CAND2: variants seen among roughly 807,000 people sequenced by gnomAD.
CAND2 encodes cullin associated and neddylation dissociated 2 (putative), also known as cullin-associated NEDD8-dissociated protein 2.
CAND2 carries 62 observed loss-of-function variants against 98.9 expected under a neutral mutation model. That is an observed-to-expected ratio of 0.63 (90% CI 0.51 to 0.77). The LOEUF is 0.77. Ranked by LOEUF, CAND2 falls within the 30% of genes least tolerant of loss-of-function variation. The pLI is 0.00. For missense variants in CAND2, 1,501 were observed against 1,655.2 expected (o/e 0.91, Z 1.62); for synonymous variants, 770 against 731.9 (o/e 1.05, Z -0.84).
intron 12 of CAND2, among the ~76,000 whole-genome samples, chr3:12,826,939 T>C (rs2062007242): frequency 7.0e-6 from 1 of 142,676 alleles, no homozygotes; most frequent in Non-Finnish European, 1.5e-5. Context: ...CAAGCAATTC[T>C]CCTGCCTCAG....
At position 12,796,727 on chromosome 3, in the gene CAND2, A is replaced by G; in HGVS notation, c.7A>G (p.Thr3Ala). Residue 3 changes from threonine to alanine, a missense_variant, in exon 1 of 15, where the codon ACC becomes GCC. Coordinates refer to ENST00000456430, the MANE Select transcript of CAND2 (RefSeq NM_001162499.2). ...TCCGCGGCGCGCAGCCACCATGAGCACCGCCGCCTTCCACATCTCCAGCCT... is the reference window on the plus strand; with the variant it reads ...TCCGCGGCGCGCAGCCACCATGAGCGCCGCCGCCTTCCACATCTCCAGCCT... The part of the protein sequence containing the change: MS[T>A]AAFHISSLLE... 3.8e-6 allele frequency: 6 copies of G among 1,583,552 alleles called. No homozygotes were observed. The highest frequency in any genetic ancestry group is 5.1e-6 in the Non-Finnish European group (6 of 1,165,598).
intron 2 of CAND2, 116 bp downstream of exon 2, chr3:12,803,747 C>T (rs555242543): frequency 1.9e-5 from 16 of 848,942 alleles, no homozygotes; most frequent in East Asian, 5.8e-5. Context: ...GAGCAGCTCT[C>T]GTTGAATGGT....
intron 5 of CAND2, among the ~76,000 whole-genome samples, chr3:12,811,249 T>A (rs1575768269): frequency 6.6e-6 from 1 of 151,966 alleles, no homozygotes; most frequent in Middle Eastern, 3.4e-3. Flanking sequence ...GGACAAGGGG[T>A]CAGGATCCAT....
chr3:12,817,712 C>T lies in CAND2; in HGVS notation c.2780C>T (p.Pro927Leu). 6 of 1,595,248 alleles carry T rather than the reference C, an allele frequency of 3.8e-6. No individual in the cohort carries two copies. The highest frequency in any genetic ancestry group is 4.3e-6 in the Non-Finnish European group (5 of 1,170,412). Residue 927 changes from proline to leucine, a missense_variant, in exon 10 of 15, where the codon CCT becomes CTT. Around this residue, in one of 3 missense-constraint regions of CAND2, gnomAD observed 1,427 missense variants for 1,545.3 expected, o/e 0.92. Coordinates refer to ENST00000456430, the MANE Select transcript of CAND2 (RefSeq NM_001162499.2). ...SLREALGAAQ[P>L]DSLKPYAEDI... ...AGGGAGGCCCTGGGGGCCGCCCAGC[C>T]TGACAGCCTGAAGCCCTACGCCGAG...
intron 11 of CAND2, among the ~76,000 whole-genome samples, chr3:12,820,566 G>C (rs773586579): frequency 1.7e-4 from 26 of 152,246 alleles, no homozygotes; most frequent in Non-Finnish European, 3.4e-4. Flanking sequence ...ACATGCCTTA[G>C]CTTTTGCGGG....
intron 12 of CAND2, among the ~76,000 whole-genome samples, chr3:12,827,022 GAA>G (rs2062008129): frequency 6.6e-6 from 1 of 151,912 alleles, no homozygotes; most frequent in African/African-American, 2.4e-5. Flanking sequence ...TAGTAGAGGT[GAA>G]GTTTCGCCAT....
intron 2 of CAND2, 104 bp from the exon 3 acceptor site, chr3:12,807,202 T>C (rs2061813081): frequency 9.2e-7 from 1 of 1,089,358 alleles, no homozygotes; most frequent in African/African-American, 1.6e-5. Flanking sequence ...CTGAGGCCTT[T>C]TCCTCAGCAC....
intron 1 of CAND2, among the ~76,000 whole-genome samples, chr3:12,801,034 ATTTT>A (rs372893921): frequency 2.0e-5 from 2 of 100,748 alleles, no homozygotes; most frequent in African/African-American, 6.9e-5. Flanking sequence ...GGAAATCAGT[ATTTT>A]TTTTTTTTTT....
chr3:12,817,958 T>C, intron 10 of CAND2, 82 bp downstream of exon 10: 1 of 1,310,636 alleles, frequency 7.6e-7, no homozygotes, highest in Middle Eastern at 2.0e-4. Context: ...TGGGGCAGAG[T>C]GAGCTATTTC....
chr3:12,810,233 G>T lies in CAND2; in HGVS notation c.666G>T (p.Leu222=). The T allele has an allele frequency of 6.5e-7, 1 of 1,532,570 alleles. No homozygotes were observed. Among genetic ancestry groups the T allele is most frequent in the Non-Finnish European group, 8.8e-7 (1 of 1,142,310 alleles). The allele number at this position is 1,532,570 out of a possible 1,614,324, so 94.9% of individuals were successfully genotyped here. A position where few individuals can be genotyped will look rare whatever the true frequency, so the allele number is the denominator to read the frequency against. ...TCGCTGACCACCTACTGGACCGGCT[G>T]CCCGGCCCGCGGGTGCCCACCAGCC... ...VELADHLLDR[L]PGPRVPTSPT... Residue 222 remains leucine, a synonymous_variant, in exon 5 of 15, where the codon CTG becomes CTT. Transcript: ENST00000456430.
chr3:12,819,426 T>C (rs1056891450), intron 10 of CAND2, among the ~76,000 whole-genome samples: 6 of 152,208 alleles, frequency 3.9e-5, no homozygotes, highest in East Asian at 1.9e-4. Context: ...AGGTGGAGCG[T>C]CCACCCATTC....
Position 12,810,285 on chromosome 3 carries a change from T to C in CAND2, c.718T>C (p.Cys240Arg). ...GACTGCCATCCGCACCCTGATCCAATGTTTGGGCAGCGTCGGCCGCCAGGC... is the reference window on the plus strand; with the variant it reads ...GACTGCCATCCGCACCCTGATCCAACGTTTGGGCAGCGTCGGCCGCCAGGC... ...SPTAIRTLIQ[C>R]LGSVGRQAGH... is the part of the protein sequence containing the mutation. Residue 240 changes from cysteine (C) to arginine (R), a missense_variant, in exon 5 of 15, where the codon TGT becomes CGT. This residue lies in a region of CAND2 where 1,427 missense variants were observed against 1,545.3 expected (regional missense o/e 0.92). Coordinates refer to ENST00000456430, the MANE Select transcript of CAND2 (RefSeq NM_001162499.2). 2 of 1,483,112 alleles carry C rather than the reference T, an allele frequency of 1.3e-6. No homozygotes were observed. Among genetic ancestry groups the C allele is most frequent in the Admixed American group, 4.6e-5 (2 of 43,140 alleles). 91.9% of individuals were successfully genotyped at this position (1,483,112 alleles called of 1,614,324 possible).
chr3:12,828,175 T>C (rs2062019185), intron 13 of CAND2, among the ~76,000 whole-genome samples: 1 of 152,134 alleles, frequency 6.6e-6, no homozygotes, highest in African/African-American at 2.4e-5. Flanking sequence ...AGAGTGAGTC[T>C]GGGGCTGGTG....
chr3:12,812,572 T>G (rs2061862069), intron 5 of CAND2, among the ~76,000 whole-genome samples: 1 of 151,648 alleles, frequency 6.6e-6, no homozygotes, highest in Admixed American at 6.6e-5. Context: ...GCCCGGCTAA[T>G]TTTTTGTATT....
chr3:12,815,247 C>T lies in CAND2; in HGVS notation c.1113C>T (p.Pro371=), dbSNP rs752130757. The T allele has an allele frequency of 1.2e-5, 19 of 1,613,760 alleles. No individual in the cohort carries two copies. The highest frequency in any genetic ancestry group is 2.7e-5 in the African/African-American group (2 of 74,926). Reference sequence around the variant, plus strand: ...TCAGCTCGCGGCCTGACCTGCTGCCCGATTTCCACTGCACCCTGGCACCTG... The same window carrying T: ...TCAGCTCGCGGCCTGACCTGCTGCCTGATTTCCACTGCACCCTGGCACCTG... ...ALISSRPDLL[P]DFHCTLAPVL... is the part of the protein sequence containing the mutation. Residue 371 remains proline (P), a synonymous_variant, in exon 8 of 15, where the codon CCC becomes CCT. Coordinates refer to ENST00000456430, the MANE Select transcript of CAND2 (RefSeq NM_001162499.2). The surrounding 1 kb of genome is among the most constrained non-coding windows in gnomAD (Gnocchi z 5.7).
chr3:12,833,641 G>A, intron 14 of CAND2, 114 bp from the exon 15 acceptor site: 1 of 828,572 alleles, frequency 1.2e-6, no homozygotes, highest in Non-Finnish European at 2.0e-6. Context: ...CTCGCAGCAG[G>A]GATTTATGTT....
intron 13 of CAND2, among the ~76,000 whole-genome samples, chr3:12,828,698 G>A (rs1418935798): frequency 1.3e-5 from 2 of 152,070 alleles, no homozygotes; most frequent in East Asian, 3.9e-4. Context: ...TTCACATTGC[G>A]GTGCAGCCGT....
intron 11 of CAND2, among the ~76,000 whole-genome samples, chr3:12,822,023 CCA>C (rs1336554055): frequency 1.3e-5 from 2 of 152,132 alleles, no homozygotes; most frequent in Non-Finnish European, 2.9e-5. Flanking sequence ...GGTTTAGCAT[CCA>C]CGGTTGTTTC....
intron 13 of CAND2, among the ~76,000 whole-genome samples, chr3:12,828,270 T>G (rs1297377092): frequency 6.6e-6 from 1 of 152,080 alleles, no homozygotes; most frequent in African/African-American, 2.4e-5. Flanking sequence ...AGAAATCATT[T>G]AATTGTGGCG....
Sources: gnomAD v4.1 joint callset for allele counts (sites outside exome capture counted in the v4.1 genomes callset) on GRCh38, gnomAD v4.1.1 for gene constraint, gnomAD v4.1.1 regional missense constraint, Gnocchi (gnomAD v3.1) non-coding constraint, MANE v1.5 for transcripts, NCBI Gene and HGNC (gene_info 2026-07-23, HGNC 2026-07-21) for gene names.